Variants in KCNN2 observed in about 807,000 individuals in gnomAD.
KCNN2 encodes the protein potassium calcium-activated channel subfamily N member 2.
A neutral mutation model predicts 55.5 loss-of-function variants in KCNN2; 24 were observed. The observed-to-expected ratio is 0.43, with a 90% CI of 0.31 to 0.61. The LOEUF is 0.61. KCNN2 is among the 20% of genes least tolerant of loss of function. KCNN2 has a pLI of 0.08. For synonymous variants in KCNN2, 431 were observed against 336.1 expected, an observed-to-expected ratio of 1.28 and a Z score of -3.09; for missense variants, 754 against 853.6, an observed-to-expected ratio of 0.88 and a Z score of 1.45.
intron 3 of KCNN2, among the ~76,000 whole-genome samples, chr5:114,448,785 A>G (rs1248352061): frequency 5.3e-5 from 8 of 152,376 alleles, no homozygotes; most frequent in Non-Finnish European, 1.5e-5. Context: ...TGTTTGTTCT[A>G]CGTAGGAATT....
At chr5:114,151,464 T>C (rs763168264) in intron 1 of KCNN2, among the ~76,000 whole-genome samples, 34 of 152,046 alleles carry the variant, frequency 2.2e-4, no homozygotes, top group Non-Finnish European at 4.9e-4. Context: ...GACAGTCAGC[T>C]TGGGTTAGGG....
At chr5:114,102,126 T>G (rs1751384800) in intron 1 of KCNN2, among the ~76,000 whole-genome samples, 1 of 152,228 alleles carries the variant, frequency 6.6e-6, no homozygotes, top group Admixed American at 6.5e-5. Flanking sequence ...ATTGCCATTG[T>G]AACTGGCATG....
intron 1 of KCNN2, among the ~76,000 whole-genome samples, chr5:114,058,536 G>A (rs1312918089): frequency 3.3e-5 from 5 of 152,186 alleles, no homozygotes; most frequent in East Asian, 1.9e-4. Context: ...GGTGGACCAC[G>A]TATTAAGATG....
intron 3 of KCNN2, among the ~76,000 whole-genome samples, chr5:114,455,530 C>A (rs1322965729): frequency 6.6e-6 from 1 of 152,208 alleles, no homozygotes; most frequent in Non-Finnish European, 1.5e-5. Flanking sequence ...AACTAATGAC[C>A]TACAATGGCT....
chr5:114,135,052 A>C (rs560237070), intron 1 of KCNN2, among the ~76,000 whole-genome samples: 1 of 152,356 alleles, frequency 6.6e-6, no homozygotes, highest in African/African-American at 2.4e-5. Flanking sequence ...CATAAGATGG[A>C]GATGAAAAGG....
intron 3 of KCNN2, among the ~76,000 whole-genome samples, chr5:114,416,431 G>A (rs770428208): frequency 2.6e-5 from 4 of 152,106 alleles, no homozygotes; most frequent in Non-Finnish European, 5.9e-5. Flanking sequence ...TTTTATGACC[G>A]TCCACAGTCA....
At chr5:114,175,711 A>T (rs1329216718) in intron 1 of KCNN2, among the ~76,000 whole-genome samples, 1 of 152,212 alleles carries the variant, frequency 6.6e-6, no homozygotes, top group African/African-American at 2.4e-5. Context: ...CAGGTAATAA[A>T]TGACCAAAAA....
chr5:114,458,568 T>C (rs990201129), intron 3 of KCNN2, among the ~76,000 whole-genome samples: 9 of 152,222 alleles, frequency 5.9e-5, no homozygotes, highest in African/African-American at 2.2e-4. Flanking sequence ...GCTATGTTTT[T>C]GTAAGCATCT....
intron 1 of KCNN2, among the ~76,000 whole-genome samples, chr5:114,121,905 A>G (rs1751837227): frequency 6.6e-6 from 1 of 152,246 alleles, no homozygotes; most frequent in Non-Finnish European, 1.5e-5. Context: ...TAATAATGCC[A>G]GGATTATGTT....
intron 1 of KCNN2, among the ~76,000 whole-genome samples, chr5:114,089,144 G>C (rs886394635): frequency 6.6e-6 from 1 of 151,638 alleles, no homozygotes; most frequent in Non-Finnish European, 1.5e-5. Context: ...ACTTTTTATT[G>C]AATGCTAGAT....
chr5:114,283,244 T>C (rs1479367487), intron 2 of KCNN2, among the ~76,000 whole-genome samples: 1 of 152,224 alleles, frequency 6.6e-6, no homozygotes, highest in Non-Finnish European at 1.5e-5. Flanking sequence ...CCCATATTTT[T>C]GTTTCATCAT....
chr5:114,194,756 C>T (rs1407732636), intron 1 of KCNN2, among the ~76,000 whole-genome samples: 3 of 151,818 alleles, frequency 2.0e-5, no homozygotes, highest in Non-Finnish European at 4.4e-5. Context: ...AAATCATTGC[C>T]TAAACAACTG....
chr5:114,436,367 A>T (rs1243638589), intron 3 of KCNN2, among the ~76,000 whole-genome samples: 5 of 152,254 alleles, frequency 3.3e-5, no homozygotes, highest in African/African-American at 4.8e-5. Flanking sequence ...GTGTATAATC[A>T]GTTCAACTGA....
At chr5:114,093,718 A>G (rs1175337145) in intron 1 of KCNN2, among the ~76,000 whole-genome samples, 1 of 152,196 alleles carries the variant, frequency 6.6e-6, no homozygotes. Flanking sequence ...CCAAACTCTT[A>G]TATAACCATT....
rs6149186 is a variant in KCNN2, at chr5:114,375,952, GTATATA to G, written c.1218+11971_1218+11976del. Among the ~76,000 whole-genome samples the G allele has an allele frequency of 2.3e-3, 240 of 104,656 alleles. 6 individuals are homozygous for G. Among genetic ancestry groups the G allele is most frequent in the African/African-American group, 5.9e-3 (166 of 28,200 alleles). The allele number at this position is 104,656 out of a possible 152,430, so 68.7% of individuals were successfully genotyped here. ...AATCATTTAAAAAAAGACTCACAGT[GTATATA>G]TATATATATATATATATATGTATTT... On this transcript the variant is annotated intron_variant, in intron 2 of 7. Transcript: ENST00000673685.
At chr5:114,154,192 T>A (rs1446153430) in intron 1 of KCNN2, among the ~76,000 whole-genome samples, 1 of 151,848 alleles carries the variant, frequency 6.6e-6, no homozygotes, top group Non-Finnish European at 1.5e-5. Flanking sequence ...TGGGAGTGGA[T>A]GAGATGAAAA....
intron 2 of KCNN2, among the ~76,000 whole-genome samples, chr5:114,265,316 C>A (rs905343387): frequency 2.0e-5 from 3 of 148,712 alleles, no homozygotes; most frequent in Non-Finnish European, 3.0e-5. Context: ...ACAGAACCAT[C>A]AAGAGGAGGT....
At chr5:114,285,235 G>A (rs1755715645) in intron 2 of KCNN2, among the ~76,000 whole-genome samples, 1 of 128,670 alleles carries the variant, frequency 7.8e-6, no homozygotes, top group Non-Finnish European at 1.5e-5. Context: ...AGTGAGCTGA[G>A]ATCATGCCAC....
intron 4 of KCNN2, among the ~76,000 whole-genome samples, chr5:114,469,253 C>T (rs1034341930): frequency 2.6e-5 from 4 of 152,202 alleles, no homozygotes; most frequent in African/African-American, 9.6e-5. Context: ...CCTTCTCCCT[C>T]TGCCCCCCTT....
Sources: allele counts gnomAD v4.1 joint callset (sites outside exome capture counted in the v4.1 genomes callset), GRCh38; gene constraint gnomAD v4.1.1; transcripts MANE v1.5; gene names NCBI Gene and HGNC (gene_info 2026-07-23, HGNC 2026-07-21).